The following SYNE4 variants were observed in gnomAD, a reference collection of about 807,000 sequenced individuals.
SYNE4 encodes nesprin-4.
SYNE4 carries 41 observed loss-of-function variants against 46.9 expected under a neutral mutation model. The observed-to-expected ratio is 0.87, with a 90% confidence interval of 0.68 to 1.13. The LOEUF (loss-of-function observed/expected upper bound fraction) is 1.13. Among genes scored for constraint, SYNE4 ranks in the 50% most tolerant of loss-of-function variants. The probability of loss-of-function intolerance (pLI) is 0.00; values close to 1 mark genes in which losing one functional copy is unlikely to be tolerated. For synonymous variants in SYNE4, 221 were observed against 219.5 expected, an observed-to-expected ratio of 1.01 and a Z score of -0.06; for missense variants, 492 against 514.8, an observed-to-expected ratio of 0.96 and a Z score of 0.43.
intron 5 of SYNE4, 48 bp from the exon 6 acceptor site, chr19:36,005,485 T>TAGGG: frequency 6.4e-7 from 1 of 1,567,156 alleles, no homozygotes; most frequent in Non-Finnish European, 8.8e-7. Context: ...AGGGCCAGGA[T>TAGGG]AGGGATGTCA....
Position 36,006,652 on chromosome 19 carries a change from G to T in SYNE4, c.638C>A (p.Thr213Lys). Residue 213 changes from threonine to lysine, a missense_variant, in exon 5 of 8, where the codon ACG (threonine) becomes AAG (lysine). Coordinates refer to ENST00000324444, the MANE Select transcript of SYNE4 (RefSeq NM_001039876.3). The part of the protein sequence containing the change: ...SYSLVFEEAN[T>K]LDQDLEVEGD... ...CTCGACCTCCAAGTCCTGGTCCAGC[G>T]TGTTGGCCTCCTCGAACACCTGGGT... The T allele has an allele frequency of 1.2e-6, 2 of 1,603,300 alleles. No homozygotes were observed. The highest frequency in any genetic ancestry group is 1.1e-5 in the South Asian group (1 of 90,306).
At position 36,006,886 on chromosome 19, in the gene SYNE4, C is replaced by T. The variant is rs1383128911; in HGVS notation, c.482G>A (p.Gly161Asp). ...CTCACTCCGCTGTGCCAGCCCCTCA[C>T]CAAACGCTAGCAGCGCCTCCACACG... ...AERVEALLAF[G>D]EGLAQRSEPR... The change falls in exon 4 of 8, where the codon GGT (glycine) becomes GAT (aspartate). Residue 161 changes from glycine to aspartate, a missense_variant. Transcript: ENST00000324444. 1 of 1,565,616 alleles carries T rather than the reference C, an allele frequency of 6.4e-7. No homozygotes were observed. The highest frequency in any genetic ancestry group is 8.7e-7 in the Non-Finnish European group (1 of 1,155,700).
At position 36,007,090 on chromosome 19, in the gene SYNE4, G is replaced by A. The variant is rs745783257; in HGVS notation, c.423+35C>T. ...AAAGCTGGCACCCACTGCTGGGGCCGTGCCCACCCCCACATCCTGGCCTCT... is the reference window on the plus strand; with the variant it reads ...AAAGCTGGCACCCACTGCTGGGGCCATGCCCACCCCCACATCCTGGCCTCT... On this transcript the variant is annotated intron_variant, in intron 3 of 7. Transcript: ENST00000324444. 8.8e-6 allele frequency: 14 copies of A among 1,583,928 alleles called. No individual in the cohort carries two copies. The East Asian group carries it at 1.2e-4, about 13-fold the overall frequency.
rs991849835 is a variant in SYNE4 at position 36,005,311 on chromosome 19, A to C, written c.972+22T>G. On this transcript the variant is annotated intron_variant, in intron 6 of 7. Transcript: ENST00000324444. ...TGCCATCAAGATTCCTGAGTGCTACACCTGGTTGAGAACTGGCTCACCTGA... is the reference window on the plus strand; with the variant it reads ...TGCCATCAAGATTCCTGAGTGCTACCCCTGGTTGAGAACTGGCTCACCTGA... 4 of 1,611,664 alleles carry C rather than the reference A, an allele frequency of 2.5e-6. No homozygotes were observed. In the African/African-American group the frequency reaches 5.4e-5, roughly 22 times the overall value.
In SYNE4 at chr19:36,007,239, C is replaced by T. The variant is rs1968388247; in HGVS notation, c.309G>A (p.Glu103=). ...ACAGGTGCAGGCTGTTCTGCTCAGCCTCTAGTACCTCCAGGCCAGAAATGG... is the reference window on the plus strand; with the variant it reads ...ACAGGTGCAGGCTGTTCTGCTCAGCTTCTAGTACCTCCAGGCCAGAAATGG... The part of the protein sequence containing the change: ...EHPISGLEVL[E]AEQNSLHLCL... Residue 103 remains glutamate (E), a synonymous_variant, in exon 3 of 8, where the codon GAG becomes GAA. Coordinates refer to ENST00000324444, the MANE Select transcript of SYNE4 (RefSeq NM_001039876.3). The T allele has an allele frequency of 6.3e-7, 1 of 1,596,900 alleles. No individual in the cohort carries two copies. Among genetic ancestry groups the T allele is most frequent in the South Asian group, 1.1e-5 (1 of 87,832 alleles).
At chr19:36,006,390 G>A (rs1431010241) in intron 5 of SYNE4, 33 bp downstream of exon 5, 8 of 1,562,650 alleles carry the variant, frequency 5.1e-6, no homozygotes, top group East Asian at 4.5e-5. Flanking sequence ...CAGGGTGCCT[G>A]GCAGAAGGTC....
intron 6 of SYNE4, among the ~76,000 whole-genome samples, chr19:36,004,603 T>C (rs1038555836): frequency 2.6e-5 from 4 of 152,218 alleles, no homozygotes; most frequent in African/African-American, 7.2e-5. Context: ...CTTCCATGAT[T>C]GGTGTGACCC....
At chr19:36,005,540 CA>C in intron 5 of SYNE4, 103 bp from the exon 6 acceptor site, 1 of 1,026,164 alleles carries the variant, frequency 9.7e-7, no homozygotes, top group Non-Finnish European at 1.5e-6. Flanking sequence ...ACAGGACAGA[CA>C]AAGGCAGAGC....
In SYNE4 at chr19:36,008,568, T is replaced by G. The variant is rs201479405; in HGVS notation, c.114A>C (p.Gly38=). ...IVGCTVCPAS[G]EESTSPEQAQ... is the part of the protein sequence containing the mutation. ...CCGGCCCCCACCTCGTGCTCTCCTCTCCGGACGCGGGGCAGACGGTGCATC... is the reference window on the plus strand; with the variant it reads ...CCGGCCCCCACCTCGTGCTCTCCTCGCCGGACGCGGGGCAGACGGTGCATC... Residue 38 remains glycine (G), a synonymous_variant, in exon 1 of 8, where the codon GGA becomes GGC. Coordinates refer to ENST00000324444, the MANE Select transcript of SYNE4 (RefSeq NM_001039876.3). 1.2e-6 allele frequency: 2 copies of G among 1,613,652 alleles called. No homozygotes were observed. Among genetic ancestry groups the G allele is most frequent in the African/African-American group, 2.7e-5 (2 of 74,972 alleles).
At position 36,007,155 on chromosome 19, in the gene SYNE4, T is replaced by C; in HGVS notation, c.393A>G (p.Ala131=). ...QDLEQGLGHW[A]LAQSGMVQLQ... ...GCTGCACCATCCCACTCTGGGCCAA[T>C]GCCCAGTGCCCCAGGCCTTGCTCCA... The change falls in exon 3 of 8, where the codon GCA becomes GCG. Residue 131 remains alanine (A), a synonymous_variant. Transcript: ENST00000324444. 2 of 1,595,048 alleles carry C rather than the reference T, an allele frequency of 1.3e-6. No individual in the cohort carries two copies. Among genetic ancestry groups the C allele is most frequent in the Non-Finnish European group, 1.7e-6 (2 of 1,171,224 alleles).
At position 36,003,414 on chromosome 19, in the gene SYNE4, G is replaced by A. The variant is rs1275594249; in HGVS notation, c.1138C>T (p.Pro380Ser). The change falls in exon 8 of 8, where the codon CCC becomes TCC. Residue 380 changes from proline to serine, a missense_variant. Physicochemically the swap from Pro to Ser is moderately conservative, Grantham distance 74 (BLOSUM62 -1). Coordinates refer to ENST00000324444, the MANE Select transcript of SYNE4 (RefSeq NM_001039876.3). ...GGTATTCGGGCATGAGAGCAGCAGGGGCCTCCTGACGCGGGCAGGAGAAAC... is the reference window on the plus strand; with the variant it reads ...GGTATTCGGGCATGAGAGCAGCAGGAGCCTCCTGACGCGGGCAGGAGAAAC... ...AMFLLPASGG[P>S]CCSHARIPRT... 4.3e-6 allele frequency: 7 copies of A among 1,613,942 alleles called. No individual in the cohort carries two copies. Among genetic ancestry groups the A allele is most frequent in the Non-Finnish European group, 5.9e-6 (7 of 1,179,998 alleles).
chr19:36,007,144 C>A lies in SYNE4; in HGVS notation c.404G>T (p.Ser135Ile). The change falls in exon 3 of 8, where the codon AGT (serine) becomes ATT (isoleucine). Residue 135 changes from serine (S) to isoleucine (I), a missense_variant. Physicochemically the swap from Ser to Ile is moderately radical, Grantham distance 142 (BLOSUM62 -2). Coordinates refer to ENST00000324444, the MANE Select transcript of SYNE4 (RefSeq NM_001039876.3). The part of the protein sequence containing the change: ...QGLGHWALAQ[S>I]GMVQLQALQV... ...GCCTACCTGCAGCTGCACCATCCCA[C>A]TCTGGGCCAATGCCCAGTGCCCCAG... 2 of 1,597,834 alleles carry A rather than the reference C, an allele frequency of 1.3e-6. No homozygotes were observed. Among genetic ancestry groups the A allele is most frequent in the Non-Finnish European group, 1.7e-6 (2 of 1,172,730 alleles).
chr19:36,007,373 C>T, intron 2 of SYNE4, 105 bp from the exon 3 acceptor site: 1 of 1,454,768 alleles, frequency 6.9e-7, no homozygotes, highest in Non-Finnish European at 9.1e-7. Flanking sequence ...TTCTCTGTGG[C>T]ACAGTCCATC....
In SYNE4 at chr19:36,008,660, C is replaced by T. The variant is rs370082413; in HGVS notation, c.22G>A (p.Gly8Ser). 7.4e-6 allele frequency: 12 copies of T among 1,613,184 alleles called. No individual in the cohort carries two copies. In the African/African-American group the frequency reaches 1.6e-4, roughly 22 times the overall value. Residue 8 changes from glycine to serine, a missense_variant, in exon 1 of 8, where the codon GGC becomes AGC. Physicochemically the swap from Gly to Ser is moderately conservative, Grantham distance 56 (BLOSUM62 0). Coordinates refer to ENST00000324444, the MANE Select transcript of SYNE4 (RefSeq NM_001039876.3). Reference protein sequence around the residue: MALSLPLGPRLGSEPLNH... With the variant: MALSLPLSPRLGSEPLNH... ...AGGGGCTCTGAGCCAAGTCTAGGGC[C>T]CAGAGGCAGGGACAGGGCCATGGCT...
intron 4 of SYNE4, 24 bp downstream of exon 4, chr19:36,006,726 G>T: frequency 6.3e-7 from 1 of 1,586,794 alleles, no homozygotes; most frequent in African/African-American, 1.5e-5. Context: ...TGGGTTGGGT[G>T]GGGGGTATCA....
intron 6 of SYNE4, among the ~76,000 whole-genome samples, chr19:36,005,010 G>A (rs1182615510): frequency 6.6e-6 from 1 of 151,294 alleles, no homozygotes; most frequent in African/African-American, 2.4e-5. Flanking sequence ...TGGGATTACA[G>A]GCATGCGCCA....
chr19:36,003,414 G>T lies in SYNE4; in HGVS notation c.1138C>A (p.Pro380Thr). 1 of 1,614,060 alleles carries T rather than the reference G, an allele frequency of 6.2e-7. No homozygotes were observed. Among genetic ancestry groups the T allele is most frequent in the South Asian group, 1.1e-5 (1 of 91,054 alleles). Reference sequence around the variant, plus strand: ...GGTATTCGGGCATGAGAGCAGCAGGGGCCTCCTGACGCGGGCAGGAGAAAC... The same window carrying T: ...GGTATTCGGGCATGAGAGCAGCAGGTGCCTCCTGACGCGGGCAGGAGAAAC... The part of the protein sequence containing the change: ...AMFLLPASGG[P>T]CCSHARIPRT... The change falls in exon 8 of 8, where the codon CCC becomes ACC. Residue 380 changes from proline to threonine, a missense_variant. Physicochemically the swap from Pro to Thr is conservative, Grantham distance 38. Coordinates refer to ENST00000324444, the MANE Select transcript of SYNE4 (RefSeq NM_001039876.3).
Position 36,003,433 on chromosome 19 carries a change from G to C in SYNE4, c.1119C>G (p.Leu373=), listed in dbSNP as rs375339468. The part of the protein sequence containing the change: ...LFLLLVGAMF[L]LPASGGPCCS... ...AGCAGGGGCCTCCTGACGCGGGCAG[G>C]AGAAACATGGCACCCACCAGGAGGA... Residue 373 remains leucine (L), a synonymous_variant, in exon 8 of 8, where the codon CTC becomes CTG. Coordinates refer to ENST00000324444, the MANE Select transcript of SYNE4 (RefSeq NM_001039876.3). The C allele has an allele frequency of 1.2e-6, 2 of 1,613,720 alleles. No individual in the cohort carries two copies. The highest frequency in any genetic ancestry group is 4.5e-5 in the East Asian group (2 of 44,872).
intron 5 of SYNE4, chr19:36,006,218 G>A: frequency 1.4e-6 from 1 of 703,592 alleles, no homozygotes; most frequent in East Asian, 3.1e-5. Context: ...CAGGATAGGA[G>A]TGAATTTGAG....
Sources: gnomAD v4.1 joint callset for allele counts (sites outside exome capture counted in the v4.1 genomes callset) on GRCh38, gnomAD v4.1.1 for gene constraint, MANE v1.5 for transcripts, NCBI Gene and HGNC (gene_info 2026-07-23, HGNC 2026-07-21) for gene names.